ATF7IP: variants seen among roughly 807,000 people sequenced by gnomAD.
ATF7IP encodes activating transcription factor 7-interacting protein 1.
Under a neutral mutation model 106.4 loss-of-function variants are expected in ATF7IP, and 23 were observed. The observed-to-expected ratio is 0.22, with a 90% CI of 0.16 to 0.31. The LOEUF (loss-of-function observed/expected upper bound fraction) is 0.31. Among genes scored for constraint, ATF7IP ranks in the 10% least tolerant of loss-of-function variants. The probability of loss-of-function intolerance (pLI) is 1.00; values close to 1 mark genes in which losing one functional copy is unlikely to be tolerated. For missense variants in ATF7IP, 1,334 were observed against 1,524.3 expected, an observed-to-expected ratio of 0.88 and a Z score of 2.08; for synonymous variants, 542 against 539.0, an observed-to-expected ratio of 1.01 and a Z score of -0.08.
chr12:14,465,202 ACT>A (rs1380618421), intron 9 of ATF7IP, among the ~76,000 whole-genome samples: 1 of 152,076 alleles, frequency 6.6e-6, no homozygotes, highest in African/African-American at 2.4e-5. Flanking sequence ...TGACAGCAAG[ACT>A]CTGTCTCAAA....
At chr12:14,436,078 G>T in intron 3 of ATF7IP, 28 bp from the exon 4 acceptor site, 5 of 1,608,266 alleles carry the variant, frequency 3.1e-6, no homozygotes, top group Non-Finnish European at 4.2e-6. Context: ...AAACACCTGA[G>T]TGTGATCATT....
chr12:14,470,297 T>G (rs567008692), intron 10 of ATF7IP, among the ~76,000 whole-genome samples: 1 of 152,334 alleles, frequency 6.6e-6, no homozygotes, highest in South Asian at 2.1e-4. Context: ...TTCTTAGTGT[T>G]TGCTTATTGA....
intron 13 of ATF7IP, among the ~76,000 whole-genome samples, chr12:14,488,833 A>G (rs1390165992): frequency 6.6e-6 from 1 of 152,240 alleles, no homozygotes; most frequent in Non-Finnish European, 1.5e-5. Context: ...TTAAATGTTG[A>G]TAGGAAGTCA....
At chr12:14,375,090 A>T (rs765767004) in intron 1 of ATF7IP, among the ~76,000 whole-genome samples, 1 of 152,006 alleles carries the variant, frequency 6.6e-6, no homozygotes, top group Non-Finnish European at 1.5e-5. Context: ...TTAATATTCA[A>T]TAAATACTTG....
At chr12:14,385,312 T>C (rs1265347409) in intron 1 of ATF7IP, 3 of 1,361,610 alleles carry the variant, frequency 2.2e-6, no homozygotes, top group Non-Finnish European at 3.0e-6. Context: ...TGTGCAGCTG[T>C]CTCAAAATGG....
Position 14,460,968 on chromosome 12 carries a change from G to A in ATF7IP, c.2632G>A (p.Ala878Thr), listed in dbSNP as rs757719534. 4.3e-6 allele frequency: 7 copies of A among 1,614,002 alleles called. No homozygotes were observed. In the African/African-American group the frequency reaches 5.3e-5, roughly 12 times the overall value. The change falls in exon 9 of 15, where the codon GCA becomes ACA. Residue 878 changes from alanine to threonine, a missense_variant. Ala to Thr is a moderately conservative substitution (Grantham distance 58). Coordinates refer to ENST00000261168, the MANE Select transcript of ATF7IP (RefSeq NM_018179.5). ...TTLAVQAVPTAHSIVQATRTS... is the reference protein window; with the variant it reads ...TTLAVQAVPTTHSIVQATRTS... ...ACTTGCTGTGCAGGCTGTTCCAACAGCACACTCTATTGTACAAGCCACAAG... is the reference window on the plus strand; with the variant it reads ...ACTTGCTGTGCAGGCTGTTCCAACAACACACTCTATTGTACAAGCCACAAG...
chr12:14,497,899 G>A lies in ATF7IP; in HGVS notation c.3639G>A (p.Trp1213Ter). The change falls in exon 15 of 15, where the codon TGG (tryptophan) becomes TGA (stop). Residue 1213 changes from tryptophan (W) to a stop codon, truncating the protein, a stop_gained. Transcript: ENST00000261168. LOFTEE classifies it high-confidence loss of function. The part of the protein sequence containing the change: ...EEPSATVPSQ[W>*]KKIGEVKALP... ...CCAGTGCCACTGTGCCCTCACAATG[G>A]AAAAAGATTGGGGAAGTCAAGGCAC... 6.2e-7 allele frequency: 1 copy of A among 1,614,128 alleles called. No homozygotes were observed. Among genetic ancestry groups the A allele is most frequent in the Non-Finnish European group, 8.5e-7 (1 of 1,180,028 alleles).
At chr12:14,426,852 G>GAAAAAAAAAA (rs1941877961) in intron 2 of ATF7IP, among the ~76,000 whole-genome samples, 2 of 9,160 alleles carry the variant, frequency 2.2e-4, no homozygotes, top group African/African-American at 1.0e-3. Flanking sequence ...AAAAAAAAAG[G>GAAAAAAAAAA]ATGGCTTTTT....
intron 1 of ATF7IP, among the ~76,000 whole-genome samples, chr12:14,404,837 TGA>T (rs200903406): frequency 0.31 from 47,424 of 152,018 alleles, 8,969 homozygotes; most frequent in Admixed American, 0.46. Flanking sequence ...CTGGCTTATT[TGA>T]TATGATGATT....
chr12:14,494,865 G>A (rs914222172), intron 13 of ATF7IP, among the ~76,000 whole-genome samples: 9 of 150,512 alleles, frequency 6.0e-5, no homozygotes, highest in South Asian at 2.1e-4. Flanking sequence ...CCCAGGAGGC[G>A]GAGGTTGCAG....
chr12:14,461,887 T>C (rs1302841561), intron 9 of ATF7IP, among the ~76,000 whole-genome samples: 2 of 152,180 alleles, frequency 1.3e-5, no homozygotes, highest in Non-Finnish European at 2.9e-5. Context: ...GTAAAATTGC[T>C]ACAGTATTTT....
At chr12:14,366,058 G>A (rs757974611) in intron 1 of ATF7IP, among the ~76,000 whole-genome samples, 3 of 152,356 alleles carry the variant, frequency 2.0e-5, no homozygotes, top group East Asian at 1.9e-4. Flanking sequence ...TCATTTTCAA[G>A]ATCTAATGTT....
intron 8 of ATF7IP, among the ~76,000 whole-genome samples, chr12:14,458,506 AC>A (rs1943519274): frequency 1.3e-5 from 2 of 152,188 alleles, no homozygotes; most frequent in African/African-American, 4.8e-5. Flanking sequence ...ACACCAAAGA[AC>A]TTTTCTAACT....
chr12:14,424,502 C>T lies in ATF7IP; in HGVS notation c.587C>T (p.Ala196Val). ...GATGCCACCTCTGGTGATGCCACTG[C>T]TGATGATCTCTCCTCTGGTGATCCC... ...PGDATSGDAT[A>V]DDLSSGDPTS... The change falls in exon 2 of 15, where the codon GCT becomes GTT. Residue 196 changes from alanine (A) to valine (V), a missense_variant. Coordinates refer to ENST00000261168, the MANE Select transcript of ATF7IP (RefSeq NM_018179.5). 2 of 1,614,172 alleles carry T rather than the reference C, an allele frequency of 1.2e-6. No individual in the cohort carries two copies. The highest frequency in any genetic ancestry group is 1.1e-5 in the South Asian group (1 of 91,078).
chr12:14,475,959 G>C lies in ATF7IP; in HGVS notation c.2932G>C (p.Ala978Pro). The C allele has an allele frequency of 1.2e-6, 2 of 1,612,848 alleles. No homozygotes were observed. The highest frequency in any genetic ancestry group is 2.7e-5 in the African/African-American group (2 of 75,004). The change falls in exon 11 of 15, where the codon GCT becomes CCT. Residue 978 changes from alanine (A) to proline (P), a missense_variant. Ala to Pro is a conservative substitution (Grantham distance 27). This residue lies in a region of ATF7IP where 370 missense variants were observed against 401.2 expected (regional missense o/e 0.92). Coordinates refer to ENST00000261168, the MANE Select transcript of ATF7IP (RefSeq NM_018179.5). Reference protein sequence around the residue: ...DLTMDDEESGASQDPKKLNHT... With the variant: ...DLTMDDEESGPSQDPKKLNHT... ...CACAATGGATGATGAAGAGAGTGGA[G>C]CTTCACAAGGTACTTCAATAGTAAT...
intron 8 of ATF7IP, among the ~76,000 whole-genome samples, chr12:14,460,149 A>T (rs1943583287): frequency 6.6e-6 from 1 of 152,162 alleles, no homozygotes; most frequent in African/African-American, 2.4e-5. Context: ...TTTCAAAAAT[A>T]TATATTTTTA....
At chr12:14,473,603 A>G (rs1045583757) in intron 10 of ATF7IP, among the ~76,000 whole-genome samples, 5 of 151,932 alleles carry the variant, frequency 3.3e-5, no homozygotes, top group African/African-American at 4.8e-5. Context: ...ATTTATCCTT[A>G]TGTTTACCTT....
At chr12:14,450,426 T>C (rs895147972) in intron 6 of ATF7IP, among the ~76,000 whole-genome samples, 1 of 152,224 alleles carries the variant, frequency 6.6e-6, no homozygotes, top group Non-Finnish European at 1.5e-5. Context: ...TCAATTAAGA[T>C]GATCATGTGG....
intron 10 of ATF7IP, 103 bp from the exon 11 acceptor site, chr12:14,475,783 GAACC>G: frequency 2.6e-6 from 2 of 771,610 alleles, no homozygotes; most frequent in East Asian, 5.6e-5. Context: ...GGTCCAGATT[GAACC>G]AGGTTACTCA....
Sources: allele counts gnomAD v4.1 joint callset (sites outside exome capture counted in the v4.1 genomes callset), GRCh38; gene constraint gnomAD v4.1.1; regional missense constraint gnomAD v4.1.1; transcripts MANE v1.5; gene names NCBI Gene and HGNC (gene_info 2026-07-23, HGNC 2026-07-21).